RBFOX3: variants seen among roughly 807,000 people sequenced by gnomAD.
RBFOX3 encodes the protein RNA binding protein fox-1 homolog 3.
RBFOX3 carries 17 observed loss-of-function variants against 48.7 expected under a neutral mutation model. The observed-to-expected ratio is 0.35, with a 90% CI of 0.24 to 0.52. The LOEUF (loss-of-function observed/expected upper bound fraction) is 0.52, where lower values mean the gene tolerates loss of function less well. RBFOX3 is among the 20% of genes least tolerant of loss of function. The pLI, the probability that RBFOX3 is intolerant of heterozygous loss-of-function variation, is 0.94. For missense variants in RBFOX3, 382 were observed against 497.5 expected, an observed-to-expected ratio of 0.77 and a Z score of 2.21; for synonymous variants, 212 against 209.5, an observed-to-expected ratio of 1.01 and a Z score of -0.10.
rs73425351 is a variant in RBFOX3 at position 79,415,699 on chromosome 17, G to A, written c.-175+66755C>T. 4.0e-3 allele frequency among the ~76,000 whole-genome samples: 617 copies of A among 152,356 alleles called. 7 individuals are homozygous for A. Among genetic ancestry groups the A allele is most frequent in the African/African-American group, 0.014 (588 of 41,588 alleles). On this transcript the variant is annotated intron_variant, in intron 2 of 14. Transcript: ENST00000693108. ...CACACAGGGAGCAGGTCCTCGGAGG[G>A]AGGGGCTGGGGCGGAGTCGGCTCCC...
Position 79,101,598 on chromosome 17 carries a change from T to C in RBFOX3, c.554A>G (p.Asn185Ser). ...CAGCCCCTTACCGTTGGTGTAGGGGTTCCCCGTCTTCTTGTTGGTCATCAC... is the reference window on the plus strand; with the variant it reads ...CAGCCCCTTACCGTTGGTGTAGGGGCTCCCCGTCTTCTTGTTGGTCATCAC... ...ARVMTNKKTG[N>S]PYTNGWKLNP... is the part of the protein sequence containing the mutation. The change falls in exon 9 of 15, where the codon AAC becomes AGC. Residue 185 changes from asparagine to serine, a missense_variant. By Grantham distance (46) the Asn-to-Ser change is conservative. This residue lies in a region of RBFOX3 where 215 missense variants were observed against 254.8 expected (regional missense o/e 0.84). Coordinates refer to ENST00000693108, the MANE Select transcript of RBFOX3 (RefSeq NM_001350451.2). The C allele has an allele frequency of 1.3e-6, 2 of 1,551,048 alleles. No homozygotes were observed. The highest frequency in any genetic ancestry group is 1.7e-6 in the Non-Finnish European group (2 of 1,146,860).
At chr17:79,354,590 C>T (rs1028744425) in intron 2 of RBFOX3, among the ~76,000 whole-genome samples, 4 of 152,254 alleles carry the variant, frequency 2.6e-5, no homozygotes, top group African/African-American at 7.2e-5. Flanking sequence ...GAGAAACCAG[C>T]GTGGAAGGCA....
At chr17:79,270,563 C>A (rs2067483272) in intron 3 of RBFOX3, among the ~76,000 whole-genome samples, 1 of 152,242 alleles carries the variant, frequency 6.6e-6, no homozygotes. Flanking sequence ...TGGGCAGGAA[C>A]AAGGGCCGCC....
At chr17:79,342,679 G>A (rs1040127586) in intron 2 of RBFOX3, among the ~76,000 whole-genome samples, 7 of 152,168 alleles carry the variant, frequency 4.6e-5, no homozygotes, top group South Asian at 2.1e-4. Context: ...GGCTTTGTGC[G>A]GAAAGGCAGA....
intron 2 of RBFOX3, among the ~76,000 whole-genome samples, chr17:79,380,235 CG>C (rs1456034982): frequency 2.0e-5 from 3 of 152,072 alleles, no homozygotes; most frequent in Admixed American, 6.5e-5. Context: ...CTCCAGCACA[CG>C]GGGCAGATCT....
the RBFOX3 span, among the ~76,000 whole-genome samples, chr17:79,650,760 C>T: frequency 6.6e-6 from 1 of 152,144 alleles, no homozygotes; most frequent in Admixed American, 6.5e-5. Context: ...AGTAGAAAGG[C>T]AGCTGTCCAC....
intron 3 of RBFOX3, among the ~76,000 whole-genome samples, chr17:79,273,092 T>C (rs1476539375): frequency 6.6e-6 from 1 of 151,744 alleles, no homozygotes; most frequent in Admixed American, 6.6e-5. Flanking sequence ...AAGAACAGAG[T>C]GGTGACCTGT....
chr17:79,121,445 C>T (rs967699118), intron 4 of RBFOX3, among the ~76,000 whole-genome samples: 16 of 152,198 alleles, frequency 1.1e-4, no homozygotes, highest in Non-Finnish European at 1.6e-4. Flanking sequence ...GTTGTCTATA[C>T]CTGTGGCCCC....
intron 4 of RBFOX3, among the ~76,000 whole-genome samples, chr17:79,190,599 G>C (rs1318294207): frequency 2.0e-5 from 3 of 152,124 alleles, no homozygotes; most frequent in Non-Finnish European, 4.4e-5. Flanking sequence ...TCTCCACTGG[G>C]GGAGACCCTG....
At chr17:79,095,433 T>A (rs1407792415) in intron 13 of RBFOX3, 80 bp downstream of exon 13, 1 of 1,331,234 alleles carries the variant, frequency 7.5e-7, no homozygotes, top group East Asian at 2.6e-5. Context: ...GCCTCCTGCC[T>A]GTCTGGGCCC....
intron 3 of RBFOX3, among the ~76,000 whole-genome samples, chr17:79,280,186 GCA>G (rs1032796998): frequency 2.5e-4 from 37 of 148,146 alleles, no homozygotes; most frequent in East Asian, 2.2e-3. Context: ...ACACACACAT[GCA>G]CACTTATACA....
chr17:79,520,857 GC>G (rs2085968189), intron 1 of RBFOX3, among the ~76,000 whole-genome samples: 1 of 152,190 alleles, frequency 6.6e-6, no homozygotes, highest in Non-Finnish European at 1.5e-5. Flanking sequence ...ATTTGAAGTC[GC>G]CCCATGCTGC....
intron 2 of RBFOX3, among the ~76,000 whole-genome samples, chr17:79,442,631 A>G (rs2149038094): frequency 6.6e-6 from 1 of 152,244 alleles, no homozygotes; most frequent in East Asian, 1.9e-4. Flanking sequence ...GTTTCCACCT[A>G]GTACCTGCCG....
At chr17:79,174,103 C>T (rs1182526807) in intron 4 of RBFOX3, among the ~76,000 whole-genome samples, 3 of 152,112 alleles carry the variant, frequency 2.0e-5, no homozygotes, top group Admixed American at 1.3e-4. Flanking sequence ...ATGGGGAGAA[C>T]AGGGCCTCTC....
intron 4 of RBFOX3, among the ~76,000 whole-genome samples, chr17:79,200,590 G>A (rs917680802): frequency 2.0e-5 from 3 of 152,226 alleles, no homozygotes; most frequent in Non-Finnish European, 4.4e-5. Flanking sequence ...CCAGAGGAGA[G>A]CTGTTCAGGG....
At chr17:79,159,305 C>T (rs2046459489) in intron 4 of RBFOX3, among the ~76,000 whole-genome samples, 2 of 152,128 alleles carry the variant, frequency 1.3e-5, no homozygotes, top group African/African-American at 4.8e-5. Context: ...AGAGCTGGCC[C>T]GGGCGGTTCC....
chr17:79,180,596 G>T lies in RBFOX3; in HGVS notation c.-34+55170C>A, dbSNP rs543660460. Among the ~76,000 whole-genome samples the T allele has an allele frequency of 3.1e-3, 468 of 152,294 alleles. 2 individuals are homozygous for T. Among genetic ancestry groups the T allele is most frequent in the Middle Eastern group, 6.8e-3 (2 of 294 alleles). ...CCTCCTCCTGTGGCCTTTACCTCCGGGGGCTGCTGCAGGCTCTGGCTCATT... is the reference window on the plus strand; with the variant it reads ...CCTCCTCCTGTGGCCTTTACCTCCGTGGGCTGCTGCAGGCTCTGGCTCATT... On this transcript the variant is annotated intron_variant, in intron 4 of 14. Coordinates refer to ENST00000693108, the MANE Select transcript of RBFOX3 (RefSeq NM_001350451.2).
At chr17:79,263,809 AC>A (rs2148510620) in intron 3 of RBFOX3, among the ~76,000 whole-genome samples, 1 of 152,234 alleles carries the variant, frequency 6.6e-6, no homozygotes, top group Non-Finnish European at 1.5e-5. Context: ...TCCAGTCCTA[AC>A]CCCCAGAGCT....
In RBFOX3 at chr17:79,201,576, C is replaced by T. The variant is rs1361325969; in HGVS notation, c.-34+34190G>A. On this transcript the variant is annotated intron_variant, in intron 4 of 14. Transcript: ENST00000693108. ...GGGGCATTCATGATTTCTGTCCATC[C>T]TCTCAGGAGGGGACTGTTCACGATC... is the stretch of plus-strand genomic sequence containing the variant. 2.0e-5 allele frequency among the ~76,000 whole-genome samples: 3 copies of T among 152,218 alleles called. No individual in the cohort carries two copies. In the South Asian group the frequency reaches 6.2e-4, roughly 32 times the overall value.
Sources: gnomAD v4.1 joint callset for allele counts (sites outside exome capture counted in the v4.1 genomes callset) on GRCh38, gnomAD v4.1.1 for gene constraint, gnomAD v4.1.1 regional missense constraint, MANE v1.5 for transcripts, NCBI Gene and HGNC (gene_info 2026-07-23, HGNC 2026-07-21) for gene names.